The following FAF1 variants were observed in gnomAD, a reference collection of about 807,000 sequenced individuals.
FAF1 encodes the protein FAS-associated factor 1.
FAF1 carries 25 observed loss-of-function variants against 92.5 expected under a neutral mutation model. The observed-to-expected ratio is 0.27, with a 90% CI of 0.20 to 0.38. FAF1 has a LOEUF of 0.38. Among genes scored for constraint, FAF1 ranks in the 10% least tolerant of loss-of-function variants. FAF1 has a pLI of 1.00. For synonymous variants in FAF1, 234 were observed against 273.2 expected, an observed-to-expected ratio of 0.86 and a Z score of 1.42; for missense variants, 636 against 793.3, an observed-to-expected ratio of 0.80 and a Z score of 2.38.
At chr1:50,642,274 T>C (rs972375655) in intron 8 of FAF1, among the ~76,000 whole-genome samples, 1 of 151,772 alleles carries the variant, frequency 6.6e-6, no homozygotes, top group African/African-American at 2.4e-5. Context: ...ATTTCTTATG[T>C]TTAGTGTTTG....
At chr1:50,808,520 C>T (rs1662296626) in intron 2 of FAF1, among the ~76,000 whole-genome samples, 2 of 152,044 alleles carry the variant, frequency 1.3e-5, no homozygotes, top group Admixed American at 1.3e-4. Context: ...ACCCATCACA[C>T]ATATAAATGC....
intron 7 of FAF1, among the ~76,000 whole-genome samples, chr1:50,687,100 A>T (rs1656697356): frequency 1.3e-5 from 2 of 152,132 alleles, no homozygotes; most frequent in Non-Finnish European, 2.9e-5. Flanking sequence ...AAGTGCTGGG[A>T]TTATAGGAAT....
intron 1 of FAF1, among the ~76,000 whole-genome samples, chr1:50,882,985 CAA>C (rs536859878): frequency 1.8e-4 from 12 of 67,216 alleles, no homozygotes; most frequent in Non-Finnish European, 1.0e-4. Flanking sequence ...CTCTTGTCTC[CAA>C]AAAAAAAAAA....
At chr1:50,443,926 G>A (rs1229346005) in intron 18 of FAF1, among the ~76,000 whole-genome samples, 2 of 152,052 alleles carry the variant, frequency 1.3e-5, no homozygotes, top group African/African-American at 2.4e-5. Context: ...TCCTGATCAG[G>A]TAATGCCTCC....
At chr1:50,958,932 C>T (rs894950102) in intron 1 of FAF1, among the ~76,000 whole-genome samples, 4 of 152,188 alleles carry the variant, frequency 2.6e-5, no homozygotes, top group Non-Finnish European at 5.9e-5. Flanking sequence ...GCAAAGGTAG[C>T]ACTCACAGGA....
intron 3 of FAF1, among the ~76,000 whole-genome samples, chr1:50,796,245 T>C (rs890626820): frequency 5.9e-5 from 9 of 151,858 alleles, no homozygotes; most frequent in African/African-American, 2.2e-4. Context: ...CTTCTTGCAG[T>C]TTGCACACTG....
At position 50,709,575 on chromosome 1, in the gene FAF1, A is replaced by G. The variant is rs149083180; in HGVS notation, c.552-3684T>C. Among the ~76,000 whole-genome samples the G allele has an allele frequency of 6.0e-3, 919 of 152,292 alleles. 5 individuals carry two copies. The highest frequency in any genetic ancestry group is 0.01 in the Non-Finnish European group (681 of 68,018). On this transcript the variant is annotated intron_variant, in intron 6 of 18. Transcript: ENST00000396153. ...AAAGGTTAATTGCCCCTGGTCATCAAGCTACAAAGAGGTGGAACTAATTGT... is the reference window on the plus strand; with the variant it reads ...AAAGGTTAATTGCCCCTGGTCATCAGGCTACAAAGAGGTGGAACTAATTGT...
At chr1:50,892,365 C>T (rs990112254) in intron 1 of FAF1, among the ~76,000 whole-genome samples, 4 of 152,178 alleles carry the variant, frequency 2.6e-5, no homozygotes, top group South Asian at 4.1e-4. Flanking sequence ...ACCCACTGTC[C>T]GACAAGCCCC....
intron 8 of FAF1, among the ~76,000 whole-genome samples, chr1:50,596,749 T>C (rs1572858558): frequency 6.6e-6 from 1 of 152,312 alleles, no homozygotes; most frequent in East Asian, 1.9e-4. Context: ...TACTTCATTT[T>C]CAATACACTG....
At chr1:50,862,103 C>T (rs1473856120) in intron 1 of FAF1, among the ~76,000 whole-genome samples, 2 of 145,866 alleles carry the variant, frequency 1.4e-5, no homozygotes, top group Non-Finnish European at 3.0e-5. Context: ...CAGAAAGCAA[C>T]GAAAAAAAAA....
intron 1 of FAF1, among the ~76,000 whole-genome samples, chr1:50,917,412 C>T (rs1365040784): frequency 1.3e-5 from 2 of 151,974 alleles, no homozygotes; most frequent in African/African-American, 2.4e-5. Context: ...ATCAACAGAA[C>T]CAACAAATAA....
At chr1:50,794,042 T>C (rs1005394744) in intron 3 of FAF1, among the ~76,000 whole-genome samples, 6 of 152,178 alleles carry the variant, frequency 3.9e-5, no homozygotes, top group African/African-American at 1.2e-4. Flanking sequence ...AACTGAAATG[T>C]GAAATACTTC....
chr1:50,748,347 A>T (rs1569878189), intron 4 of FAF1, among the ~76,000 whole-genome samples: 1 of 152,116 alleles, frequency 6.6e-6, no homozygotes, highest in Non-Finnish European at 1.5e-5. Context: ...AATACAAAAA[A>T]TTAGCCAGGC....
chr1:50,612,910 T>C (rs1239893206), intron 8 of FAF1, among the ~76,000 whole-genome samples: 1 of 152,244 alleles, frequency 6.6e-6, no homozygotes, highest in Non-Finnish European at 1.5e-5. Context: ...TAGTGTTTTG[T>C]GATTTAAAAG....
At chr1:50,455,343 G>T (rs1012264374) in intron 18 of FAF1, among the ~76,000 whole-genome samples, 1 of 152,246 alleles carries the variant, frequency 6.6e-6, no homozygotes, top group Non-Finnish European at 1.5e-5. Flanking sequence ...AACCTTAGGT[G>T]ACTTAGCTGC....
intron 4 of FAF1, among the ~76,000 whole-genome samples, chr1:50,761,941 C>G (rs1660344723): frequency 2.6e-5 from 4 of 152,030 alleles, no homozygotes; most frequent in Admixed American, 2.6e-4. Context: ...TAGAAAACCC[C>G]ATTGTCTCAG....
At position 50,655,503 on chromosome 1, in the gene FAF1, G is replaced by T; in HGVS notation, c.683C>A (p.Thr228Lys). 6.2e-7 allele frequency: 1 copy of T among 1,612,382 alleles called. No homozygotes were observed. Among genetic ancestry groups the T allele is most frequent in the South Asian group, 1.1e-5 (1 of 91,020 alleles). The change falls in exon 8 of 19, where the codon ACA becomes AAA. Residue 228 changes from threonine (T) to lysine (K), a missense_variant. By Grantham distance (78) the Thr-to-Lys change is moderately conservative. Transcript: ENST00000396153. The part of the protein sequence containing the change: ...QEVKRNVYDL[T>K]SIPVRHQLWE... The stretch of plus-strand genomic sequence containing the variant: ...TAATTGGTGGCGAACGGGGATACTT[G>T]TAAGGTCATACACATTTCTCTTTAC...
At chr1:50,720,755 T>C (rs1007767120) in intron 6 of FAF1, among the ~76,000 whole-genome samples, 5 of 152,156 alleles carry the variant, frequency 3.3e-5, no homozygotes, top group African/African-American at 1.2e-4. Flanking sequence ...GCTGAAACCA[T>C]ACCCAGACAG....
At position 50,704,280 on chromosome 1, in the gene FAF1, G is replaced by C. The variant is rs193136003; in HGVS notation, c.657+1506C>G. 2.5e-3 allele frequency among the ~76,000 whole-genome samples: 383 copies of C among 152,180 alleles called. 2 individuals carry two copies. Among genetic ancestry groups the C allele is most frequent in the African/African-American group, 9.0e-3 (372 of 41,528 alleles). ...CACTCAAATAACAGAAACTAGGGGT[G>C]GGGGTTGAGAGGGTGGCAGCAAAAT... is the stretch of plus-strand genomic sequence containing the variant. On this transcript the variant is annotated intron_variant, in intron 7 of 18. Coordinates refer to ENST00000396153, the MANE Select transcript of FAF1 (RefSeq NM_007051.3).
Sources: gnomAD v4.1 joint callset for allele counts (sites outside exome capture counted in the v4.1 genomes callset) on GRCh38, gnomAD v4.1.1 for gene constraint, MANE v1.5 for transcripts, NCBI Gene and HGNC (gene_info 2026-07-23, HGNC 2026-07-21) for gene names.